PPP4R3B: variants seen among roughly 807,000 people sequenced by gnomAD.
PPP4R3B encodes serine/threonine-protein phosphatase 4 regulatory subunit 3B.
In PPP4R3B, 52 loss-of-function variants were observed where a neutral mutation model predicts 95.4. That is an observed-to-expected ratio of 0.54 (90% CI 0.44 to 0.69). The LOEUF (loss-of-function observed/expected upper bound fraction) is 0.69. Ranked by LOEUF, PPP4R3B falls within the 30% of genes least tolerant of loss-of-function variation. PPP4R3B has a pLI of 0.00. For missense variants in PPP4R3B, 1,003 were observed against 1,005.9 expected (o/e 1.00, Z 0.04); for synonymous variants, 407 against 343.9 (o/e 1.18, Z -2.03).
intron 12 of PPP4R3B, among the ~76,000 whole-genome samples, chr2:55,569,302 G>C (rs907428318): frequency 2.0e-5 from 3 of 152,120 alleles, no homozygotes; most frequent in African/African-American, 7.2e-5. Flanking sequence ...CTACTTAGCA[G>C]ACCGGGAAAG....
At chr2:55,579,872 C>A in intron 8 of PPP4R3B, 91 bp from the exon 9 acceptor site, 2 of 694,388 alleles carry the variant, frequency 2.9e-6, no homozygotes, top group South Asian at 2.3e-5. Flanking sequence ...CAGAACCAAA[C>A]CAAAACAAAA....
chr2:55,573,399 C>T (rs982955306), intron 12 of PPP4R3B, among the ~76,000 whole-genome samples: 7 of 152,236 alleles, frequency 4.6e-5, no homozygotes, highest in African/African-American at 1.4e-4. Flanking sequence ...GGTAATGTAT[C>T]ACAACAAAAG....
At chr2:55,573,930 C>T (rs1014006945) in intron 11 of PPP4R3B, among the ~76,000 whole-genome samples, 153 bp from the exon 12 acceptor site, 5 of 140,080 alleles carry the variant, frequency 3.6e-5, no homozygotes, top group Middle Eastern at 4.1e-3. Flanking sequence ...ACTCTGTCAC[C>T]CAGTTTGGAG....
chr2:55,589,941 TA>T (rs1453147919), intron 4 of PPP4R3B, among the ~76,000 whole-genome samples: 3 of 131,834 alleles, frequency 2.3e-5, no homozygotes, highest in African/African-American at 7.9e-5. Flanking sequence ...TATATATATA[TA>T]AAAAATATAT....
rs570616386 is a variant in PPP4R3B at position 55,575,006 on chromosome 2, C to T, written c.1607-1229G>A. On this transcript the variant is annotated intron_variant, in intron 11 of 16. Coordinates refer to ENST00000616407, the MANE Select transcript of PPP4R3B (RefSeq NM_001122964.3). Reference sequence around the variant, plus strand: ...AGACTGGAGTGCAGTGGTGCGATCTCGGCTCACTGCAAGCTCCGCCTCCCG... The same window carrying T: ...AGACTGGAGTGCAGTGGTGCGATCTTGGCTCACTGCAAGCTCCGCCTCCCG... 1.7e-3 allele frequency among the ~76,000 whole-genome samples: 239 copies of T among 139,756 alleles called. 2 individuals carry two copies. The Middle Eastern group carries it at 0.029, about 17-fold the overall frequency. The allele number at this position is 139,756 out of a possible 152,430, so 91.7% of individuals were successfully genotyped here. A position where few individuals can be genotyped will look rare whatever the true frequency, so the allele number is the denominator to read the frequency against.
intron 12 of PPP4R3B, among the ~76,000 whole-genome samples, chr2:55,572,780 G>A (rs11676573): frequency 0.042 from 6,424 of 152,214 alleles, 169 homozygotes; most frequent in South Asian, 0.076. Context: ...GTGAGATGTG[G>A]AGTGGCAAGA....
At chr2:55,605,955 A>G (rs1031478191) in intron 2 of PPP4R3B, among the ~76,000 whole-genome samples, 4 of 151,926 alleles carry the variant, frequency 2.6e-5, no homozygotes, top group African/African-American at 7.2e-5. Flanking sequence ...ATCATCCACA[A>G]AAGTTTTCAA....
intron 4 of PPP4R3B, among the ~76,000 whole-genome samples, chr2:55,590,676 C>T (rs1163217937): frequency 1.3e-5 from 2 of 152,092 alleles, no homozygotes; most frequent in Admixed American, 6.5e-5. Flanking sequence ...AATGTAATTT[C>T]CATTAATTTA....
intron 16 of PPP4R3B, among the ~76,000 whole-genome samples, chr2:55,551,423 T>G (rs1574645837): frequency 1.3e-5 from 2 of 152,042 alleles, no homozygotes; most frequent in African/African-American, 2.4e-5. Context: ...AAAATTGGTA[T>G]AGTAGTATTT....
intron 13 of PPP4R3B, 23 bp from the exon 14 acceptor site, chr2:55,565,064 T>C: frequency 6.6e-7 from 1 of 1,522,600 alleles, no homozygotes; most frequent in Non-Finnish European, 8.8e-7. Flanking sequence ...AAAATTTACA[T>C]TTAAAATATA....
At chr2:55,554,939 C>T (rs543406497) in intron 16 of PPP4R3B, among the ~76,000 whole-genome samples, 2 of 152,090 alleles carry the variant, frequency 1.3e-5, no homozygotes, top group Non-Finnish European at 2.9e-5. Context: ...AGATAGGGAT[C>T]TAACTTCATT....
Position 55,586,602 on chromosome 2 carries a change from G to GA in PPP4R3B, c.1116+15dup, listed in dbSNP as rs1407985478. ...ATTTACAATTTCAAAAACATGAAAA[G>GA]AAACGGCATAATTACCATTACAATT... is the stretch of plus-strand genomic sequence containing the variant. On this transcript the variant is annotated intron_variant, in intron 6 of 16. Transcript: ENST00000616407. 1 of 1,466,418 alleles carries GA rather than the reference G, an allele frequency of 6.8e-7. No individual in the cohort carries two copies. The highest frequency in any genetic ancestry group is 9.4e-7 in the Non-Finnish European group (1 of 1,062,696). 90.8% of individuals were successfully genotyped at this position (1,466,418 alleles called of 1,614,324 possible).
At chr2:55,579,301 T>A (rs1415245051) in intron 9 of PPP4R3B, among the ~76,000 whole-genome samples, 1 of 152,152 alleles carries the variant, frequency 6.6e-6, no homozygotes, top group Non-Finnish European at 1.5e-5. Flanking sequence ...TTTATACTAT[T>A]TGCTTCTACT....
chr2:55,598,943 T>C lies in PPP4R3B; in HGVS notation c.394A>G (p.Ile132Val). ...TTGAGTTCACATGTGGGCAGGTCAATCAGATGACTAGTTTCAGGCATTTCT... is the reference window on the plus strand; with the variant it reads ...TTGAGTTCACATGTGGGCAGGTCAACCAGATGACTAGTTTCAGGCATTTCT... The part of the protein sequence containing the change: ...FEEMPETSHL[I>V]DLPTCELNKL... The change falls in exon 4 of 17, where the codon ATT becomes GTT. Residue 132 changes from isoleucine to valine, a missense_variant. Around this residue, in one of 3 missense-constraint regions of PPP4R3B, gnomAD observed 695 missense variants for 686.2 expected, o/e 1.01. Transcript: ENST00000616407. 1 of 1,614,206 alleles carries C rather than the reference T, an allele frequency of 6.2e-7. No individual in the cohort carries two copies. The highest frequency in any genetic ancestry group is 8.5e-7 in the Non-Finnish European group (1 of 1,180,042).
chr2:55,579,426 T>A (rs1274695858), intron 9 of PPP4R3B, among the ~76,000 whole-genome samples: 1 of 151,818 alleles, frequency 6.6e-6, no homozygotes, highest in Non-Finnish European at 1.5e-5. Flanking sequence ...CTGCCAGTGG[T>A]CTACACGTTC....
chr2:55,591,160 A>G (rs1282475211), intron 4 of PPP4R3B, among the ~76,000 whole-genome samples: 1 of 140,752 alleles, frequency 7.1e-6, no homozygotes. Context: ...TTTTTTTTCT[A>G]GAGTCTCACT....
In PPP4R3B at chr2:55,598,988, A is replaced by C. The variant is rs1268507994; in HGVS notation, c.349T>G (p.Ser117Ala). Residue 117 changes from serine (S) to alanine (A), a missense_variant, in exon 4 of 17, where the codon TCT becomes GCT. By Grantham distance (99) the Ser-to-Ala change is moderately conservative. Transcript: ENST00000616407. Reference protein sequence around the residue: ...VEVTQDLIDESEEERFEEMPE... With the variant: ...VEVTQDLIDEAEEERFEEMPE... Reference sequence around the variant, plus strand: ...ATTTCTTCAAATCGTTCTTCTTCAGATTCATCAATGAGGTCCTGTGTGACT... The same window carrying C: ...ATTTCTTCAAATCGTTCTTCTTCAGCTTCATCAATGAGGTCCTGTGTGACT... 1.9e-6 allele frequency: 3 copies of C among 1,614,104 alleles called. No homozygotes were observed. In the Admixed American group the frequency reaches 5.0e-5, roughly 27 times the overall value.
At chr2:55,613,387 T>C (rs1694458312) in intron 2 of PPP4R3B, among the ~76,000 whole-genome samples, 1 of 151,492 alleles carries the variant, frequency 6.6e-6, no homozygotes, top group African/African-American at 2.4e-5. Flanking sequence ...AAATAAACTA[T>C]TACAAAACCC....
chr2:55,564,835 A>T, intron 14 of PPP4R3B, 67 bp downstream of exon 14: 1 of 1,560,464 alleles, frequency 6.4e-7, no homozygotes, highest in Non-Finnish European at 8.7e-7. Context: ...TCACATGGAA[A>T]ATCTGAACTA....
Sources: gnomAD v4.1 joint callset for allele counts (sites outside exome capture counted in the v4.1 genomes callset) on GRCh38, gnomAD v4.1.1 for gene constraint, gnomAD v4.1.1 regional missense constraint, MANE v1.5 for transcripts, NCBI Gene and HGNC (gene_info 2026-07-23, HGNC 2026-07-21) for gene names.